Variants in PLS3 observed in about 807,000 individuals in gnomAD.
PLS3 encodes the protein plastin 3.
A neutral mutation model predicts 46.5 loss-of-function variants in PLS3; 11 were observed. The observed-to-expected ratio is 0.24, with a 90% CI of 0.15 to 0.39. The LOEUF (loss-of-function observed/expected upper bound fraction) is 0.39. Among genes scored for constraint, PLS3 ranks in the 10% least tolerant of loss-of-function variants. The pLI is 1.00. For synonymous variants in PLS3, 167 were observed against 162.2 expected (o/e 1.03, Z -0.22); for missense variants, 308 against 461.8 (o/e 0.67, Z 3.05).
At chrX:115,626,952 G>A (rs2074717468) in intron 3 of PLS3, among the ~76,000 whole-genome samples, 1 of 108,804 alleles carries the variant, frequency 9.2e-6, no homozygotes, top group South Asian at 4.1e-4. Flanking sequence ...GGGTTCAAGT[G>A]ATTCTCATGC....
intron 1 of PLS3, among the ~76,000 whole-genome samples, chrX:115,565,665 C>A (rs1171503604): frequency 6.3e-5 from 7 of 111,816 alleles, no homozygotes; most frequent in Non-Finnish European, 1.1e-4. Flanking sequence ...GTTGACTTTT[C>A]AAACTTTGAT....
chrX:115,629,802 G>A (rs1603240212), intron 4 of PLS3, 33 bp from the exon 5 acceptor site: 1 of 933,256 alleles, frequency 1.1e-6, no homozygotes. Context: ...GTTAGAGTAT[G>A]AACTAATGTC....
chrX:115,640,581 A>G, intron 9 of PLS3, 78 bp downstream of exon 9: 2 of 554,927 alleles, frequency 3.6e-6, no homozygotes, highest in Non-Finnish European at 3.1e-6. Flanking sequence ...TAATTTTTAT[A>G]ATCGTATGAA....
At chrX:115,635,582 C>G (rs1419173672) in intron 7 of PLS3, among the ~76,000 whole-genome samples, 1 of 89,641 alleles carries the variant, frequency 1.1e-5, no homozygotes, top group Non-Finnish European at 2.1e-5. Context: ...ACCCGGAAGG[C>G]GGAGGTTGCA....
intron 2 of PLS3, among the ~76,000 whole-genome samples, chrX:115,613,128 T>C (rs184713760): frequency 3.6e-5 from 4 of 111,746 alleles, no homozygotes; most frequent in African/African-American, 1.3e-4. Context: ...CTTTGCAGAG[T>C]TGCTTTAGTA....
At chrX:115,642,804 T>C (rs1179904419) in intron 9 of PLS3, among the ~76,000 whole-genome samples, 1 of 111,883 alleles carries the variant, frequency 8.9e-6, no homozygotes, top group African/African-American at 3.2e-5. Context: ...AGGACTACAG[T>C]TAATACCCTT....
intron 1 of PLS3, among the ~76,000 whole-genome samples, chrX:115,601,025 G>A (rs1556634516): frequency 9.0e-6 from 1 of 111,386 alleles, no homozygotes; most frequent in Non-Finnish European, 1.9e-5. Context: ...AGAACCAGCT[G>A]TAATAGAAAC....
chrX:115,640,477 A>G lies in PLS3; in HGVS notation c.961A>G (p.Ile321Val), dbSNP rs782408161. 11 of 1,167,101 alleles carry G rather than the reference A, an allele frequency of 9.4e-6. No homozygotes were observed. The highest frequency in any genetic ancestry group is 1.3e-5 in the Non-Finnish European group (11 of 854,973). ...AGGACAAAAGGAAGGTGAACCACGG[A>G]TAGATATTAACATGTCAGGTTTCAA... ...PKGQKEGEPR[I>V]DINMSGFNET... The change falls in exon 9 of 16, where the codon ATA becomes GTA. Residue 321 changes from isoleucine (I) to valine (V), a missense_variant. Physicochemically the swap from Ile to Val is conservative, Grantham distance 29. This residue lies in a region of PLS3 where 271 missense variants were observed against 435.7 expected (regional missense o/e 0.62). Coordinates refer to ENST00000355899, the MANE Select transcript of PLS3 (RefSeq NM_005032.7).
chrX:115,630,862 T>A (rs5987955), intron 5 of PLS3, among the ~76,000 whole-genome samples: 13 of 77,628 alleles, frequency 1.7e-4, no homozygotes, highest in East Asian at 6.8e-4. Context: ...ATATGTATAT[T>A]ATACATGTAT....
At chrX:115,573,089 G>A (rs1235712686) in intron 1 of PLS3, among the ~76,000 whole-genome samples, 7 of 73,414 alleles carry the variant, frequency 9.5e-5, no homozygotes, top group Admixed American at 3.9e-4. Flanking sequence ...GTGAGACTCC[G>A]TCTCAAAAAA....
chrX:115,596,401 G>A (rs184387697), intron 1 of PLS3, among the ~76,000 whole-genome samples: 17 of 111,739 alleles, frequency 1.5e-4, no homozygotes, highest in South Asian at 7.6e-4. Context: ...GATACCAACC[G>A]TGCTTTTAAG....
intron 1 of PLS3, among the ~76,000 whole-genome samples, chrX:115,608,956 C>T (rs782349880): frequency 2.8e-4 from 31 of 109,660 alleles, no homozygotes; most frequent in Non-Finnish European, 4.5e-4. Flanking sequence ...GTCTATTGGC[C>T]GGGTACGGTG....
chrX:115,614,099 A>C (rs2074573002), intron 2 of PLS3: 1 of 113,032 alleles, frequency 8.8e-6, no homozygotes, highest in East Asian at 2.8e-4. Flanking sequence ...GCCAGGTGGC[A>C]GACTACAGGC....
rs1556639977 is a variant in PLS3 at position 115,635,033 on chromosome X, A to G, written c.735A>G (p.Leu245=). The G allele has an allele frequency of 8.3e-7, 1 of 1,206,623 alleles. No homozygotes were observed. The highest frequency in any genetic ancestry group is 2.3e-4 in the Middle Eastern group (1 of 4,331). Residue 245 remains leucine, a synonymous_variant, in exon 7 of 16, where the codon TTA becomes TTG. Transcript: ENST00000355899. Reference sequence around the variant, plus strand: ...TCGGTTTGTTCGCTGACATTGAATTAAGCAGGAATGAAGGTAATGGAACAC... The same window carrying G: ...TCGGTTTGTTCGCTGACATTGAATTGAGCAGGAATGAAGGTAATGGAACAC... ...IKIGLFADIE[L]SRNEALAALL...
chrX:115,622,129 A>G (rs2074661669), intron 2 of PLS3, 117 bp from the exon 3 acceptor site: 6 of 564,875 alleles, frequency 1.1e-5, no homozygotes, highest in African/African-American at 9.5e-5. Context: ...GTTCCCCACA[A>G]TAAGAAAATA....
intron 1 of PLS3, among the ~76,000 whole-genome samples, chrX:115,603,843 T>G (rs1206131943): frequency 8.9e-6 from 1 of 111,905 alleles, no homozygotes; most frequent in East Asian, 2.8e-4. Flanking sequence ...AAATCAGGGT[T>G]TTTTTCCTTT....
intron 1 of PLS3, among the ~76,000 whole-genome samples, chrX:115,570,098 G>C (rs782019489): frequency 9.1e-6 from 1 of 110,469 alleles, no homozygotes; most frequent in Non-Finnish European, 1.9e-5. Flanking sequence ...CACTGTGCCC[G>C]GCTAATTTTT....
intron 2 of PLS3, among the ~76,000 whole-genome samples, chrX:115,611,350 C>CGT (rs377312483): frequency 1.5e-4 from 17 of 111,828 alleles, no homozygotes; most frequent in Admixed American, 4.7e-4. Flanking sequence ...CGCGCACGCG[C>CGT]GTGTGTGTGT....
intron 1 of PLS3, among the ~76,000 whole-genome samples, chrX:115,573,188 T>C (rs782226952): frequency 9.2e-6 from 1 of 109,061 alleles, no homozygotes; most frequent in East Asian, 2.9e-4. Flanking sequence ...AATTTCTAAA[T>C]ATAAACCTTG....
Sources: allele counts gnomAD v4.1 joint callset (sites outside exome capture counted in the v4.1 genomes callset), GRCh38; gene constraint gnomAD v4.1.1; regional missense constraint gnomAD v4.1.1; transcripts MANE v1.5; gene names NCBI Gene and HGNC (gene_info 2026-07-23, HGNC 2026-07-21).